UBE2R2: variants seen among roughly 807,000 people sequenced by gnomAD.
UBE2R2 encodes ubiquitin conjugating enzyme E2 R2.
A neutral mutation model predicts 27.8 loss-of-function variants in UBE2R2; 1 was observed. The observed-to-expected ratio is 0.04, with a 90% CI of 0.01 to 0.17. UBE2R2 has a LOEUF of 0.17. Ranked by LOEUF, UBE2R2 falls within the 10% of genes least tolerant of loss-of-function variation. The pLI is 1.00. For missense variants in UBE2R2, 100 were observed against 291.0 expected (o/e 0.34, Z 4.78); for synonymous variants, 106 against 113.3 (o/e 0.94, Z 0.41).
chr9:33,885,683 C>T (rs957070710), intron 1 of UBE2R2, among the ~76,000 whole-genome samples: 4 of 152,178 alleles, frequency 2.6e-5, no homozygotes, highest in East Asian at 1.9e-4. Flanking sequence ...GTTAAAATCA[C>T]GTAGCTTGAT....
intron 1 of UBE2R2, among the ~76,000 whole-genome samples, chr9:33,849,781 C>G (rs1399316722): frequency 6.6e-6 from 1 of 151,758 alleles, no homozygotes; most frequent in Non-Finnish European, 1.5e-5. Context: ...GACTTGAGCC[C>G]AAGAGGTGGA....
At chr9:33,861,929 G>T (rs145018665) in intron 1 of UBE2R2, among the ~76,000 whole-genome samples, 3,025 of 146,118 alleles carry the variant, frequency 0.021, 44 homozygotes, top group Non-Finnish European at 0.032. Flanking sequence ...TCTTGGCTCA[G>T]TGCAACCTCT....
At chr9:33,873,401 A>G (rs2130782332) in intron 1 of UBE2R2, among the ~76,000 whole-genome samples, 1 of 152,216 alleles carries the variant, frequency 6.6e-6, no homozygotes, top group African/African-American at 2.4e-5. Context: ...TATTATTTTT[A>G]CAGTTTAACA....
rs1239128998 is a variant in UBE2R2, at chr9:33,874,069, G to A, written c.178-12812G>A. ...TTCAAGCAATTCTCCTGTCTCAGCC[G>A]CCCAAGTAGCTGGGATTACAGGTGC... On this transcript the variant is annotated intron_variant, in intron 1 of 4. Transcript: ENST00000263228. 5.3e-5 allele frequency among the ~76,000 whole-genome samples: 8 copies of A among 151,206 alleles called. No individual in the cohort carries two copies. The South Asian group carries it at 1.0e-3, about 20-fold the overall frequency.
intron 1 of UBE2R2, among the ~76,000 whole-genome samples, chr9:33,844,296 C>T (rs1820791326): frequency 6.6e-6 from 1 of 152,168 alleles, no homozygotes; most frequent in Non-Finnish European, 1.5e-5. Context: ...CCTTCGCCTC[C>T]CGGGTTCAAG....
intron 2 of UBE2R2, among the ~76,000 whole-genome samples, chr9:33,899,555 A>G (rs1295635238): frequency 6.6e-6 from 1 of 152,108 alleles, no homozygotes; most frequent in African/African-American, 2.4e-5. Flanking sequence ...TTGTATTTTT[A>G]GTAGAGACGG....
intron 4 of UBE2R2, among the ~76,000 whole-genome samples, chr9:33,913,382 C>CCGAG (rs1822538983): frequency 6.6e-6 from 1 of 152,144 alleles, no homozygotes; most frequent in Non-Finnish European, 1.5e-5. Flanking sequence ...CCTGGGCCTC[C>CCGAG]TGAGTAACTA....
intron 1 of UBE2R2, among the ~76,000 whole-genome samples, chr9:33,836,877 G>A (rs985071690): frequency 6.6e-6 from 1 of 151,876 alleles, no homozygotes; most frequent in East Asian, 1.9e-4. Context: ...ATTCTAGATT[G>A]GAAATCCTGT....
At position 33,819,527 on chromosome 9, in the gene UBE2R2, CAA is replaced by C. The variant is rs1825924967; in HGVS notation, c.177+1595_177+1596del. Among the ~76,000 whole-genome samples, 4 of 152,246 alleles carry C rather than the reference CAA, an allele frequency of 2.6e-5. No individual in the cohort carries two copies. In the South Asian group the frequency reaches 6.2e-4, roughly 24 times the overall value. On this transcript the variant is annotated intron_variant, in intron 1 of 4. Transcript: ENST00000263228. ...AAGAAAACATGCAACTTATTAGTAACAAAGTGGAAAAGATATTGCTGTGTTTA... is the reference window on the plus strand; with the variant it reads ...AAGAAAACATGCAACTTATTAGTAACAGTGGAAAAGATATTGCTGTGTTTA...
chr9:33,835,407 A>G (rs1381998871), intron 1 of UBE2R2, among the ~76,000 whole-genome samples: 1 of 152,106 alleles, frequency 6.6e-6, no homozygotes, highest in Non-Finnish European at 1.5e-5. Flanking sequence ...TCAGCCTCCC[A>G]AAGTGCTGAG....
intron 1 of UBE2R2, among the ~76,000 whole-genome samples, chr9:33,819,861 A>T (rs1301522387): frequency 6.6e-6 from 1 of 151,830 alleles, no homozygotes; most frequent in African/African-American, 2.4e-5. Context: ...CCGGTCTCGA[A>T]CTCCAGACCC....
Position 33,829,825 on chromosome 9 carries a change from C to T in UBE2R2, c.177+11891C>T, listed in dbSNP as rs528534621. Among the ~76,000 whole-genome samples the T allele has an allele frequency of 6.3e-3, 650 of 103,290 alleles. 2 individuals carry two copies. The highest frequency in any genetic ancestry group is 9.1e-3 in the Non-Finnish European group (503 of 55,062). 67.8% of individuals were successfully genotyped at this position (103,290 alleles called of 152,430 possible). A position where few individuals can be genotyped will look rare whatever the true frequency, so the allele number is the denominator to read the frequency against. ...TTTTTTTTTTTTTTTTAAACAGTTT[C>T]GCTCTAGTTGCCCAGACTGGAGTGC... On this transcript the variant is annotated intron_variant, in intron 1 of 4. Coordinates refer to ENST00000263228, the MANE Select transcript of UBE2R2 (RefSeq NM_017811.4).
At chr9:33,880,026 CA>C (rs1015674135) in intron 1 of UBE2R2, among the ~76,000 whole-genome samples, 1 of 151,592 alleles carries the variant, frequency 6.6e-6, no homozygotes, top group African/African-American at 2.4e-5. Context: ...GCTGGGACCT[CA>C]GGGGTGCACC....
intron 2 of UBE2R2, among the ~76,000 whole-genome samples, chr9:33,891,858 C>G (rs1291919850): frequency 2.6e-5 from 4 of 151,880 alleles, no homozygotes; most frequent in Admixed American, 2.6e-4. Flanking sequence ...GCCTATAATC[C>G]CAGCACTTTG....
In UBE2R2 at chr9:33,886,979, T is replaced by A; in HGVS notation, c.264+12T>A. The stretch of plus-strand genomic sequence containing the variant: ...CCAACATTTATGAGGTAAGGAGACA[T>A]CCATCATAAATTTCTCTGAAGATTT... On this transcript the variant is annotated intron_variant, in intron 2 of 4. Coordinates refer to ENST00000263228, the MANE Select transcript of UBE2R2 (RefSeq NM_017811.4). The A allele has an allele frequency of 1.9e-6, 3 of 1,577,652 alleles. No individual in the cohort carries two copies. The highest frequency in any genetic ancestry group is 2.6e-6 in the Non-Finnish European group (3 of 1,168,934).
intron 1 of UBE2R2, among the ~76,000 whole-genome samples, chr9:33,848,623 T>A (rs934805706): frequency 6.6e-6 from 1 of 151,634 alleles, no homozygotes; most frequent in African/African-American, 2.4e-5. Context: ...TTTTTTTAAA[T>A]GGAGTCTTGC....
intron 1 of UBE2R2, among the ~76,000 whole-genome samples, chr9:33,872,167 G>T (rs1247125884): frequency 6.6e-6 from 1 of 151,702 alleles, no homozygotes; most frequent in Non-Finnish European, 1.5e-5. Context: ...ACTGAGGCAG[G>T]GGGATCTCTT....
chr9:33,896,544 G>A (rs1272176599), intron 2 of UBE2R2, among the ~76,000 whole-genome samples: 1 of 151,700 alleles, frequency 6.6e-6, no homozygotes, highest in Non-Finnish European at 1.5e-5. Context: ...CTGGGTTCAA[G>A]CGATTCTCCT....
At chr9:33,880,876 A>G (rs1428210081) in intron 1 of UBE2R2, among the ~76,000 whole-genome samples, 3 of 152,150 alleles carry the variant, frequency 2.0e-5, no homozygotes, top group Non-Finnish European at 2.9e-5. Flanking sequence ...GAGGTGGAAC[A>G]GTTTCATCCC....
Sources: allele counts gnomAD v4.1 joint callset (sites outside exome capture counted in the v4.1 genomes callset), GRCh38; gene constraint gnomAD v4.1.1; transcripts MANE v1.5; gene names NCBI Gene and HGNC (gene_info 2026-07-23, HGNC 2026-07-21).